LRP1B: variants seen among roughly 807,000 people sequenced by gnomAD.
LRP1B encodes low-density lipoprotein receptor-related protein 1B.
A neutral mutation model predicts 556.6 loss-of-function variants in LRP1B; 217 were observed. The observed-to-expected ratio is 0.39, with a 90% CI of 0.35 to 0.44. The LOEUF is 0.44. LRP1B is among the 20% of genes least tolerant of loss of function. LRP1B has a pLI of 1.00. For missense variants in LRP1B, 5,053 were observed against 5,620.8 expected, an observed-to-expected ratio of 0.90 and a Z score of 3.23; for synonymous variants, 2,047 against 1,865.8, an observed-to-expected ratio of 1.10 and a Z score of -2.50.
chr2:141,809,159 C>T lies in LRP1B; in HGVS notation c.205+1120G>A, dbSNP rs373371994. On this transcript the variant is annotated intron_variant, in intron 2 of 90. Coordinates refer to ENST00000389484, the MANE Select transcript of LRP1B (RefSeq NM_018557.3). ...AAACTCTTCCTGTGGAAAAAGTGAT[C>T]GGCTCAAAATAAAGCGAAGCAATTC... Among the ~76,000 whole-genome samples the T allele has an allele frequency of 8.4e-4, 128 of 152,082 alleles. 3 individuals carry two copies. In the South Asian group the frequency reaches 0.025, roughly 30 times the overall value.
intron 35 of LRP1B, among the ~76,000 whole-genome samples, chr2:140,763,299 G>T (rs1482000916): frequency 6.6e-6 from 1 of 152,002 alleles, no homozygotes; most frequent in East Asian, 1.9e-4. Context: ...AGAAGAGTGG[G>T]GAGAAAGAGT....
intron 81 of LRP1B, among the ~76,000 whole-genome samples, chr2:140,322,988 G>T (rs1244045572): frequency 6.6e-6 from 1 of 151,972 alleles, no homozygotes; most frequent in Non-Finnish European, 1.5e-5. Context: ...TTGGTAAAGA[G>T]CAGCAAGACT....
chr2:140,394,596 A>T (rs1034211610), intron 66 of LRP1B, among the ~76,000 whole-genome samples: 3 of 152,128 alleles, frequency 2.0e-5, no homozygotes, highest in Non-Finnish European at 4.4e-5. Flanking sequence ...TGGAAGTCCC[A>T]CATAACATTC....
chr2:141,603,977 A>T (rs1687834754), intron 2 of LRP1B, among the ~76,000 whole-genome samples: 1 of 152,176 alleles, frequency 6.6e-6, no homozygotes. Flanking sequence ...GATTCCAGGG[A>T]TGCAATTGCA....
chr2:141,724,753 G>C (rs1215766310), intron 2 of LRP1B, among the ~76,000 whole-genome samples: 1 of 151,760 alleles, frequency 6.6e-6, no homozygotes, highest in Non-Finnish European at 1.5e-5. Flanking sequence ...GAGAAGGAAA[G>C]AATTCCAGTT....
At chr2:141,576,397 A>G (rs1475396952) in intron 2 of LRP1B, among the ~76,000 whole-genome samples, 1 of 152,180 alleles carries the variant, frequency 6.6e-6, no homozygotes. Context: ...GGTGTTGAAC[A>G]TTGAGAACAC....
intron 5 of LRP1B, among the ~76,000 whole-genome samples, chr2:141,238,344 T>C (rs1654427779): frequency 6.6e-6 from 1 of 152,206 alleles, no homozygotes; most frequent in African/African-American, 2.4e-5. Flanking sequence ...TAATGGGTAT[T>C]GACTCATTTG....
intron 3 of LRP1B, among the ~76,000 whole-genome samples, chr2:141,310,790 T>A (rs1395564381): frequency 6.6e-6 from 1 of 152,190 alleles, no homozygotes; most frequent in African/African-American, 2.4e-5. Flanking sequence ...AATACATTGA[T>A]GCCCATGATT....
At chr2:141,054,825 G>A (rs1228436257) in intron 10 of LRP1B, among the ~76,000 whole-genome samples, 1 of 151,904 alleles carries the variant, frequency 6.6e-6, no homozygotes, top group Non-Finnish European at 1.5e-5. Context: ...CAACTTATTA[G>A]CTCAAATACA....
intron 69 of LRP1B, among the ~76,000 whole-genome samples, chr2:140,372,176 C>T (rs1180841944): frequency 6.6e-6 from 1 of 152,028 alleles, no homozygotes. Flanking sequence ...CTCAGGGATA[C>T]TAAAAAGCTT....
At chr2:140,825,465 C>T (rs1050180729) in intron 31 of LRP1B, among the ~76,000 whole-genome samples, 5 of 151,948 alleles carry the variant, frequency 3.3e-5, no homozygotes, top group African/African-American at 1.2e-4. Context: ...CTCCCACATG[C>T]ATACAAACCA....
chr2:141,482,518 A>C (rs1315403735), intron 2 of LRP1B, among the ~76,000 whole-genome samples: 2 of 152,036 alleles, frequency 1.3e-5, no homozygotes, highest in Non-Finnish European at 2.9e-5. Flanking sequence ...GTGTGTGTGC[A>C]TATATATTAA....
At chr2:142,087,770 T>G (rs192448918) in intron 1 of LRP1B, among the ~76,000 whole-genome samples, 1 of 152,152 alleles carries the variant, frequency 6.6e-6, no homozygotes, top group African/African-American at 2.4e-5. Flanking sequence ...CAGCTTTCCT[T>G]AAGCCTAAGA....
intron 3 of LRP1B, among the ~76,000 whole-genome samples, chr2:141,327,200 G>T (rs1421678999): frequency 1.3e-5 from 2 of 152,112 alleles, no homozygotes; most frequent in South Asian, 2.1e-4. Flanking sequence ...CAAAGATAAT[G>T]AGTTTGATTT....
intron 3 of LRP1B, among the ~76,000 whole-genome samples, chr2:141,464,897 T>C (rs1559085032): frequency 6.6e-6 from 1 of 151,456 alleles, no homozygotes; most frequent in East Asian, 1.9e-4. Context: ...GAATTTGAAA[T>C]TAAAAGGAAA....
At chr2:141,413,961 T>C (rs1453677354) in intron 3 of LRP1B, among the ~76,000 whole-genome samples, 1 of 151,800 alleles carries the variant, frequency 6.6e-6, no homozygotes, top group African/African-American at 2.4e-5. Flanking sequence ...CTGGGCGCAG[T>C]GGCTCACGCC....
At chr2:140,733,653 A>T (rs1404005011) in intron 35 of LRP1B, among the ~76,000 whole-genome samples, 1 of 152,196 alleles carries the variant, frequency 6.6e-6, no homozygotes, top group Non-Finnish European at 1.5e-5. Flanking sequence ...AAAACTGTAG[A>T]ATAGGTAAAA....
chr2:141,129,580 G>A (rs1267940374), intron 7 of LRP1B, among the ~76,000 whole-genome samples: 1 of 151,092 alleles, frequency 6.6e-6, no homozygotes. Flanking sequence ...TGTGGGGGGA[G>A]GGGCGGGGGG....
intron 1 of LRP1B, among the ~76,000 whole-genome samples, chr2:141,886,468 A>G (rs952067112): frequency 2.0e-5 from 3 of 152,176 alleles, no homozygotes; most frequent in South Asian, 2.1e-4. Context: ...CACTCCCTAT[A>G]TATTTCATCT....
Sources: gnomAD v4.1 joint callset for allele counts (sites outside exome capture counted in the v4.1 genomes callset) on GRCh38, gnomAD v4.1.1 for gene constraint, MANE v1.5 for transcripts, NCBI Gene and HGNC (gene_info 2026-07-23, HGNC 2026-07-21) for gene names.